The following AGBL4 variants were observed in gnomAD, a reference collection of about 807,000 sequenced individuals.
The protein encoded by AGBL4 is cytosolic carboxypeptidase 6.
A neutral mutation model predicts 66.4 loss-of-function variants in AGBL4; 58 were observed. The ratio of observed to expected loss-of-function variants is 0.87; its 90% CI spans 0.71 to 1.09. AGBL4 has a LOEUF of 1.09. Ranked by LOEUF, AGBL4 falls within the 50% of genes least tolerant of loss-of-function variation. The probability of loss-of-function intolerance (pLI) is 0.00; values close to 1 mark genes in which losing one functional copy is unlikely to be tolerated. For synonymous variants in AGBL4, 234 were observed against 222.9 expected (o/e 1.05, Z -0.44); for missense variants, 579 against 631.0 (o/e 0.92, Z 0.88).
At chr1:48,622,565 C>A (rs189043667) in intron 9 of AGBL4, among the ~76,000 whole-genome samples, 14 of 146,356 alleles carry the variant, frequency 9.6e-5, no homozygotes, top group African/African-American at 3.6e-4. Context: ...CTCACTGCAA[C>A]CTCTGCCTCC....
At chr1:49,369,475 AC>A (rs2148549752) in intron 3 of AGBL4, among the ~76,000 whole-genome samples, 1 of 152,256 alleles carries the variant, frequency 6.6e-6, no homozygotes, top group South Asian at 2.1e-4. Context: ...AAGAACAGTG[AC>A]CCCTGAAAGA....
Position 48,736,265 on chromosome 1 carries a change from G to A in AGBL4, c.635-73024C>T. ...TCTGACGATGCTTAGTTTGTGAGGCGAGAGGGGTGGTTTAGGGACTGCATC... is the reference window on the plus strand; with the variant it reads ...TCTGACGATGCTTAGTTTGTGAGGCAAGAGGGGTGGTTTAGGGACTGCATC... On this transcript the variant is annotated intron_variant, in intron 6 of 13. Coordinates refer to ENST00000371839, the MANE Select transcript of AGBL4 (RefSeq NM_032785.4). The surrounding 1 kb of genome is among the most constrained non-coding windows in gnomAD (Gnocchi z 4.0). The A allele has an allele frequency of 1.2e-6, 2 of 1,614,190 alleles. No individual in the cohort carries two copies. Among genetic ancestry groups the A allele is most frequent in the Non-Finnish European group, 1.7e-6 (2 of 1,180,012 alleles).
chr1:49,761,366 C>T (rs1652299858), intron 2 of AGBL4, among the ~76,000 whole-genome samples: 1 of 152,016 alleles, frequency 6.6e-6, no homozygotes, highest in African/African-American at 2.4e-5. Flanking sequence ...AGAATATATA[C>T]AAAGCTATCA....
chr1:49,710,985 C>T (rs1226052429), intron 2 of AGBL4, among the ~76,000 whole-genome samples: 1 of 151,946 alleles, frequency 6.6e-6, no homozygotes, highest in Non-Finnish European at 1.5e-5. Context: ...TGTTACTACA[C>T]ATCACTTATT....
chr1:49,255,328 C>A (rs992693627), intron 3 of AGBL4, among the ~76,000 whole-genome samples: 3 of 152,114 alleles, frequency 2.0e-5, no homozygotes, highest in Non-Finnish European at 4.4e-5. Context: ...CAAGAAAAAA[C>A]AAACAACCCC....
intron 6 of AGBL4, chr1:48,742,573 TCTGA>T (rs757862667): frequency 1.4e-6 from 2 of 1,444,564 alleles, no homozygotes; most frequent in Non-Finnish European, 1.8e-6. Flanking sequence ...CCACCTTTAC[TCTGA>T]CTAACAAACA....
intron 4 of AGBL4, among the ~76,000 whole-genome samples, chr1:49,104,064 A>G (rs1645250789): frequency 6.6e-6 from 1 of 152,100 alleles, no homozygotes; most frequent in African/African-American, 2.4e-5. Context: ...ATGCACTAGC[A>G]CACCTCCAAA....
chr1:48,591,091 C>T (rs1228334493), intron 9 of AGBL4, 106 bp from the exon 10 acceptor site: 3 of 547,648 alleles, frequency 5.5e-6, no homozygotes, highest in African/African-American at 3.4e-5. Context: ...CACCCACCCA[C>T]CCCCCCCCAC....
At chr1:48,666,566 C>A (rs550851024) in intron 6 of AGBL4, among the ~76,000 whole-genome samples, 4 of 152,278 alleles carry the variant, frequency 2.6e-5, no homozygotes, top group African/African-American at 7.2e-5. Context: ...GTCACTATAA[C>A]CCTCTATCAT....
chr1:48,760,537 T>C (rs1435147295), intron 6 of AGBL4, among the ~76,000 whole-genome samples: 2 of 152,238 alleles, frequency 1.3e-5, no homozygotes, highest in Non-Finnish European at 2.9e-5. Context: ...CGTTACAATA[T>C]GTCTGCGTCA....
intron 3 of AGBL4, among the ~76,000 whole-genome samples, chr1:49,579,217 T>C (rs1644495471): frequency 6.6e-6 from 1 of 152,192 alleles, no homozygotes; most frequent in African/African-American, 2.4e-5. Context: ...CTCATCTATA[T>C]ATGATAAATA....
chr1:48,855,017 T>G (rs983030043), intron 6 of AGBL4, among the ~76,000 whole-genome samples: 1 of 152,248 alleles, frequency 6.6e-6, no homozygotes, highest in Admixed American at 6.5e-5. Context: ...TCTCTATTTT[T>G]GCTTAAGCTA....
At chr1:49,993,859 C>G (rs1399528284) in intron 1 of AGBL4, among the ~76,000 whole-genome samples, 1 of 152,102 alleles carries the variant, frequency 6.6e-6, no homozygotes, top group Non-Finnish European at 1.5e-5. Context: ...CTGTTGTAAA[C>G]TCCTGGGATT....
At chr1:48,558,442 G>A (rs1030942977) in intron 11 of AGBL4, among the ~76,000 whole-genome samples, 1 of 152,146 alleles carries the variant, frequency 6.6e-6, no homozygotes, top group African/African-American at 2.4e-5. Context: ...GACTCAGGAG[G>A]AGCTGACTCC....
intron 3 of AGBL4, among the ~76,000 whole-genome samples, chr1:49,672,857 G>A (rs1487097535): frequency 3.4e-5 from 5 of 148,800 alleles, no homozygotes; most frequent in African/African-American, 1.2e-4. Flanking sequence ...GGAGGTGGAG[G>A]TTGCAGTGAG....
intron 6 of AGBL4, among the ~76,000 whole-genome samples, chr1:48,791,432 T>C (rs1645547532): frequency 6.6e-6 from 1 of 151,914 alleles, no homozygotes. Flanking sequence ...ACCACTACCC[T>C]CCATTCCCCC....
intron 3 of AGBL4, among the ~76,000 whole-genome samples, chr1:49,584,333 A>T (rs1436678277): frequency 6.6e-6 from 1 of 152,196 alleles, no homozygotes; most frequent in African/African-American, 2.4e-5. Context: ...GTTAGAATGG[A>T]TCTTAAACGT....
intron 2 of AGBL4, among the ~76,000 whole-genome samples, chr1:49,788,941 C>T (rs889067946): frequency 7.9e-5 from 12 of 152,260 alleles, no homozygotes; most frequent in African/African-American, 1.9e-4. Flanking sequence ...AGAATGCTTC[C>T]GGCATTTGCC....
intron 9 of AGBL4, among the ~76,000 whole-genome samples, chr1:48,603,720 T>C (rs115540666): frequency 2.6e-5 from 4 of 152,150 alleles, no homozygotes; most frequent in Admixed American, 1.3e-4. Flanking sequence ...TTAGTGGTCA[T>C]AAGACTCAAA....
Sources: gnomAD v4.1 joint callset for allele counts (sites outside exome capture counted in the v4.1 genomes callset) on GRCh38, gnomAD v4.1.1 for gene constraint, Gnocchi (gnomAD v3.1) non-coding constraint, MANE v1.5 for transcripts, NCBI Gene and HGNC (gene_info 2026-07-23, HGNC 2026-07-21) for gene names.